EIF5B: variants seen among roughly 807,000 people sequenced by gnomAD.
EIF5B encodes the protein eukaryotic translation initiation factor 5B.
Under a neutral mutation model 147.5 loss-of-function variants are expected in EIF5B, and 47 were observed. The ratio of observed to expected loss-of-function variants is 0.32; its 90% confidence interval spans 0.25 to 0.41. The LOEUF (loss-of-function observed/expected upper bound fraction) is 0.41, where lower values mean the gene tolerates loss of function less well. Ranked by LOEUF, EIF5B falls within the 10% of genes least tolerant of loss-of-function variation. The pLI is 1.00. For missense variants in EIF5B, 1,064 were observed against 1,413.2 expected (o/e 0.75, Z 3.96); for synonymous variants, 455 against 456.2 (o/e 1.00, Z 0.03).
chr2:99,361,091 T>C, intron 3 of EIF5B, 57 bp from the exon 4 acceptor site: 1 of 1,368,656 alleles, frequency 7.3e-7, no homozygotes, highest in Non-Finnish European at 9.7e-7. Flanking sequence ...ATGAAGCACA[T>C]GACTCTGGTC....
At chr2:99,383,875 G>C (rs1040074508) in intron 14 of EIF5B, among the ~76,000 whole-genome samples, 5 of 152,182 alleles carry the variant, frequency 3.3e-5, no homozygotes, top group Non-Finnish European at 5.9e-5. Context: ...TCTCTAGTTA[G>C]GGTCTAATGT....
chr2:99,367,672 C>T (rs866893661), intron 6 of EIF5B, among the ~76,000 whole-genome samples: 3 of 151,906 alleles, frequency 2.0e-5, no homozygotes, highest in African/African-American at 4.8e-5. Context: ...CCAGGATGGT[C>T]CTGGACTCCT....
chr2:99,391,164 A>G (rs919041222), intron 17 of EIF5B, among the ~76,000 whole-genome samples: 1 of 152,232 alleles, frequency 6.6e-6, no homozygotes, highest in Non-Finnish European at 1.5e-5. Context: ...AAAACAAGCT[A>G]GAGAAAAGAA....
At position 99,338,324 on chromosome 2, in the gene EIF5B, T is replaced by C. The variant is rs1255788405; in HGVS notation, c.35+735T>C. ...TATATGCGAGTTACTTACCTAGAGA[T>C]TTTTGAGACATTTCTGTGTGTCACA... is the stretch of plus-strand genomic sequence containing the variant. On this transcript the variant is annotated intron_variant, in intron 1 of 23. Transcript: ENST00000289371. The C allele has an allele frequency of 1.2e-5, 16 of 1,289,018 alleles. No homozygotes were observed. The South Asian group carries it at 2.0e-4, about 16-fold the overall frequency. 79.8% of individuals were successfully genotyped at this position (1,289,018 alleles called of 1,614,324 possible). A position where few individuals can be genotyped will look rare whatever the true frequency, so the allele number is the denominator to read the frequency against.
intron 1 of EIF5B, among the ~76,000 whole-genome samples, chr2:99,350,906 A>G (rs1673939437): frequency 6.6e-6 from 1 of 152,260 alleles, no homozygotes; most frequent in African/African-American, 2.4e-5. Flanking sequence ...ATGAAGAAAT[A>G]AAGAATAAAA....
intron 14 of EIF5B, among the ~76,000 whole-genome samples, chr2:99,389,411 C>T (rs17022629): frequency 0.44 from 66,418 of 151,916 alleles, 14,790 homozygotes; most frequent in Admixed American, 0.57. Flanking sequence ...AAAACTGTTT[C>T]GGAATTCCAA....
chr2:99,398,952 A>C, intron 23 of EIF5B, 43 bp downstream of exon 23: 1 of 1,594,718 alleles, frequency 6.3e-7, no homozygotes, highest in Non-Finnish European at 8.5e-7. Context: ...GCAACAGGGA[A>C]TCACTCTTCT....
At position 99,363,784 on chromosome 2, in the gene EIF5B, G is replaced by T; in HGVS notation, c.1059G>T (p.Glu353Asp). The T allele has an allele frequency of 6.2e-7, 1 of 1,613,932 alleles. No homozygotes were observed. The change falls in exon 5 of 24, where the codon GAG becomes GAT. Residue 353 changes from glutamate to aspartate, a missense_variant. Physicochemically the swap from Glu to Asp is conservative, Grantham distance 45. Around this residue, in one of 4 missense-constraint regions of EIF5B, gnomAD observed 458 missense variants for 451.3 expected, o/e 1.01. Coordinates refer to ENST00000289371, the MANE Select transcript of EIF5B (RefSeq NM_015904.4). ...AAGAAGCTCTGGCTAAGCTTAAAGAGGAAGAAGAAAGACAGAAGAGAGAAG... is the reference window on the plus strand; with the variant it reads ...AAGAAGCTCTGGCTAAGCTTAAAGATGAAGAAGAAAGACAGAAGAGAGAAG... ...AMQEALAKLKEEEERQKREEE... is the reference protein window; with the variant it reads ...AMQEALAKLKDEEERQKREEE...
intron 8 of EIF5B, among the ~76,000 whole-genome samples, chr2:99,370,170 C>T (rs375821101): frequency 1.1e-4 from 16 of 152,104 alleles, no homozygotes; most frequent in African/African-American, 3.4e-4. Flanking sequence ...TCCTAAAGGT[C>T]GGCTTCTATT....
chr2:99,398,248 TCTTA>T (rs1310179604), intron 22 of EIF5B: 1 of 152,718 alleles, frequency 6.5e-6, no homozygotes. Flanking sequence ...CTGTTTTCAC[TCTTA>T]CTCTCCTGAA....
At chr2:99,338,220 A>G (rs2094248748) in intron 1 of EIF5B, 1 of 857,402 alleles carries the variant, frequency 1.2e-6, no homozygotes, top group Non-Finnish European at 1.7e-6. Flanking sequence ...CTAAGAAAGG[A>G]AGGGAAGAAG....
chr2:99,342,163 A>G (rs1425277569), intron 1 of EIF5B, among the ~76,000 whole-genome samples: 1 of 152,132 alleles, frequency 6.6e-6, no homozygotes, highest in Non-Finnish European at 1.5e-5. Flanking sequence ...CTTGAGAATC[A>G]CTTAAAGGCA....
At chr2:99,359,939 C>T (rs368744069) in intron 1 of EIF5B, among the ~76,000 whole-genome samples, 10 of 152,154 alleles carry the variant, frequency 6.6e-5, no homozygotes, top group African/African-American at 9.7e-5. Flanking sequence ...TTCATTCAGA[C>T]GCACAAAAAA....
intron 15 of EIF5B, 29 bp downstream of exon 15, chr2:99,389,878 G>C (rs760571399): frequency 6.3e-7 from 1 of 1,585,960 alleles, no homozygotes; most frequent in Non-Finnish European, 8.5e-7. Context: ...TTTCTGAAGA[G>C]CCTATCTCAG....
At chr2:99,395,220 AAG>A (rs1675017545) in intron 21 of EIF5B, among the ~76,000 whole-genome samples, 1 of 152,226 alleles carries the variant, frequency 6.6e-6, no homozygotes, top group Admixed American at 6.5e-5. Context: ...ACCGGGAAAT[AAG>A]AGATTCTGTG....
At chr2:99,367,793 A>G (rs1042697211) in intron 6 of EIF5B, among the ~76,000 whole-genome samples, 6 of 152,132 alleles carry the variant, frequency 3.9e-5, no homozygotes, top group African/African-American at 1.4e-4. Context: ...GCAAGATAGT[A>G]TAGCCACTTT....
rs1460336468 is a variant in EIF5B, at chr2:99,338,332, A to G, written c.35+743A>G. The G allele has an allele frequency of 8.5e-6, 11 of 1,288,982 alleles. No individual in the cohort carries two copies. The Admixed American group carries it at 2.5e-4, about 30-fold the overall frequency. The allele number at this position is 1,288,982 out of a possible 1,614,324, so 79.8% of individuals were successfully genotyped here. ...AGTTACTTACCTAGAGATTTTTGAGACATTTCTGTGTGTCACATTCGATTG... is the reference window on the plus strand; with the variant it reads ...AGTTACTTACCTAGAGATTTTTGAGGCATTTCTGTGTGTCACATTCGATTG... On this transcript the variant is annotated intron_variant, in intron 1 of 23. Coordinates refer to ENST00000289371, the MANE Select transcript of EIF5B (RefSeq NM_015904.4).
At position 99,364,217 on chromosome 2, in the gene EIF5B, T is replaced by C; in HGVS notation, c.1138-54T>C. On this transcript the variant is annotated intron_variant, in intron 5 of 23. Coordinates refer to ENST00000289371, the MANE Select transcript of EIF5B (RefSeq NM_015904.4). ...GAAGTTTGGATTGTTTACATTTGAA[T>C]TTTATAGTTCATTAAATGAATACAG... 14 of 1,515,214 alleles carry C rather than the reference T, an allele frequency of 9.2e-6. No individual in the cohort carries two copies. In the South Asian group the frequency reaches 2.0e-4, roughly 21 times the overall value. The allele number at this position is 1,515,214 out of a possible 1,614,324, so 93.9% of individuals were successfully genotyped here.
chr2:99,395,194 A>C (rs181501383), intron 21 of EIF5B, among the ~76,000 whole-genome samples: 77 of 152,348 alleles, frequency 5.1e-4, no homozygotes, highest in South Asian at 1.2e-3. Flanking sequence ...GAAGTAACAA[A>C]ACTTGAGTGA....
Sources: allele counts gnomAD v4.1 joint callset (sites outside exome capture counted in the v4.1 genomes callset), GRCh38; gene constraint gnomAD v4.1.1; regional missense constraint gnomAD v4.1.1; transcripts MANE v1.5; gene names NCBI Gene and HGNC (gene_info 2026-07-23, HGNC 2026-07-21).